The following TRPC1 variants were observed in gnomAD, a reference collection of about 807,000 sequenced individuals.
The protein encoded by TRPC1 is short transient receptor potential channel 1.
Under a neutral mutation model 88.2 loss-of-function variants are expected in TRPC1, and 42 were observed. The ratio of observed to expected loss-of-function variants is 0.48; its 90% confidence interval spans 0.37 to 0.62. The LOEUF (loss-of-function observed/expected upper bound fraction) is 0.62, where lower values mean the gene tolerates loss of function less well. Ranked by LOEUF, TRPC1 falls within the 20% of genes least tolerant of loss-of-function variation. The pLI, the probability that TRPC1 is intolerant of heterozygous loss-of-function variation, is 0.00. For synonymous variants in TRPC1, 288 were observed against 331.8 expected (o/e 0.87, Z 1.43); for missense variants, 699 against 957.3 (o/e 0.73, Z 3.56).
At chr3:142,796,973 T>C (rs1358203116) in intron 9 of TRPC1, among the ~76,000 whole-genome samples, 2 of 152,130 alleles carry the variant, frequency 1.3e-5, no homozygotes, top group African/African-American at 4.8e-5. Context: ...TCATATTTGA[T>C]AGGACCCAGA....
chr3:142,759,385 G>T (rs751628167), intron 4 of TRPC1, among the ~76,000 whole-genome samples: 27 of 152,264 alleles, frequency 1.8e-4, no homozygotes, highest in Non-Finnish European at 3.2e-4. Flanking sequence ...GTGTGAGATG[G>T]TATCTTACTG....
At position 142,771,419 on chromosome 3, in the gene TRPC1, C is replaced by G. The variant is rs561558755; in HGVS notation, c.633-6213C>G. ...TCGAACTCCTGGACTCAAGCAGTCC[C>G]CCCGCCAGCCTTCCAAAGTGCTAGG... On this transcript the variant is annotated intron_variant, in intron 4 of 12. Coordinates refer to ENST00000476941, the MANE Select transcript of TRPC1 (RefSeq NM_001251845.2). 3.9e-5 allele frequency among the ~76,000 whole-genome samples: 6 copies of G among 152,162 alleles called. No individual in the cohort carries two copies. In the East Asian group the frequency reaches 1.2e-3, roughly 29 times the overall value.
intron 7 of TRPC1, 150 bp downstream of exon 7, chr3:142,785,190 T>TAA: frequency 1.6e-6 from 1 of 606,268 alleles, no homozygotes. Context: ...ACTGAAGACT[T>TAA]AACTAACATG....
intron 4 of TRPC1, among the ~76,000 whole-genome samples, chr3:142,754,026 A>G (rs1934870791): frequency 6.7e-6 from 1 of 149,116 alleles, no homozygotes; most frequent in South Asian, 2.1e-4. Context: ...TTGAGGCTAC[A>G]GTAAGCTGTG....
At chr3:142,781,668 G>C (rs1935962093) in intron 6 of TRPC1, among the ~76,000 whole-genome samples, 1 of 152,138 alleles carries the variant, frequency 6.6e-6, no homozygotes, top group South Asian at 2.1e-4. Context: ...CCAGGAACTT[G>C]AATCAGGAAA....
chr3:142,803,971 T>C lies in TRPC1; in HGVS notation c.1758-6T>C. On this transcript the variant is annotated splice_region_variant and splice_polypyrimidine_tract_variant and intron_variant, in intron 10 of 12. Transcript: ENST00000476941. The stretch of plus-strand genomic sequence containing the variant: ...CTTTTAAACAGAAATGCAATTGTCT[T>C]TACAGGTTCATTGGCACCTGCTTTG... 6.8e-6 allele frequency: 11 copies of C among 1,613,046 alleles called. No homozygotes were observed. Among genetic ancestry groups the C allele is most frequent in the Non-Finnish European group, 9.3e-6 (11 of 1,179,320 alleles).
intron 7 of TRPC1, among the ~76,000 whole-genome samples, chr3:142,787,295 C>G (rs1205242205): frequency 6.6e-6 from 1 of 152,088 alleles, no homozygotes; most frequent in Non-Finnish European, 1.5e-5. Flanking sequence ...TATATAGATC[C>G]AAACCGGCTC....
intron 8 of TRPC1, among the ~76,000 whole-genome samples, chr3:142,791,539 A>G (rs1360314655): frequency 1.3e-5 from 2 of 152,124 alleles, no homozygotes; most frequent in African/African-American, 4.8e-5. Flanking sequence ...GACTGGATTT[A>G]AATCCTGCCC....
rs141835928 is a variant in TRPC1 at position 142,786,088 on chromosome 3, A to G, written c.1297+1048A>G. ...GGGTGCGTGTGGAGAGTTGAGGTAG[A>G]ATCACATTATCTGTTTATGGTATTT... On this transcript the variant is annotated intron_variant, in intron 7 of 12. Transcript: ENST00000476941. Among the ~76,000 whole-genome samples, 17 of 152,242 alleles carry G rather than the reference A, an allele frequency of 1.1e-4. No homozygotes were observed. In the East Asian group the frequency reaches 2.3e-3, roughly 21 times the overall value.
intron 4 of TRPC1, among the ~76,000 whole-genome samples, chr3:142,760,042 G>A (rs1560103240): frequency 6.6e-6 from 1 of 151,942 alleles, no homozygotes; most frequent in Non-Finnish European, 1.5e-5. Flanking sequence ...TAGCCAGGAT[G>A]GTCTCGATCT....
At chr3:142,802,394 T>TA in intron 10 of TRPC1, 50 bp downstream of exon 10, 1 of 1,180,404 alleles carries the variant, frequency 8.5e-7, no homozygotes, top group Non-Finnish European at 1.1e-6. Flanking sequence ...TTTTTTTTTT[T>TA]ACCATCTTCT....
rs947015854 is a variant in TRPC1, at chr3:142,764,512, A to C, written c.633-13120A>C. Among the ~76,000 whole-genome samples, 10 of 152,128 alleles carry C rather than the reference A, an allele frequency of 6.6e-5. No homozygotes were observed. In the South Asian group the frequency reaches 2.1e-3, roughly 31 times the overall value. On this transcript the variant is annotated intron_variant, in intron 4 of 12. Coordinates refer to ENST00000476941, the MANE Select transcript of TRPC1 (RefSeq NM_001251845.2). ...GACTTTATCTCTACTTCTTATTTAA[A>C]TAACAATTTTTTCTGGATACAAAAC...
intron 8 of TRPC1, 35 bp downstream of exon 8, chr3:142,791,193 T>C: frequency 6.4e-7 from 1 of 1,563,498 alleles, no homozygotes. Context: ...AGGCACAAAT[T>C]AAGTTTATTT....
intron 2 of TRPC1, among the ~76,000 whole-genome samples, chr3:142,741,557 C>A (rs1934350339): frequency 1.3e-5 from 2 of 152,194 alleles, no homozygotes; most frequent in Non-Finnish European, 2.9e-5. Context: ...GGTATTTAAT[C>A]TTTTCAGTAG....
At chr3:142,799,381 A>C (rs2108157719) in intron 9 of TRPC1, among the ~76,000 whole-genome samples, 1 of 152,314 alleles carries the variant, frequency 6.6e-6, no homozygotes, top group South Asian at 2.1e-4. Context: ...TCAGTCTAAA[A>C]TAAATTTACT....
chr3:142,735,434 G>A (rs1934092390), intron 1 of TRPC1, among the ~76,000 whole-genome samples: 1 of 152,058 alleles, frequency 6.6e-6, no homozygotes, highest in Admixed American at 6.5e-5. Context: ...CACGTAAAAT[G>A]ACTTATTTAT....
chr3:142,768,639 T>C (rs370350203), intron 4 of TRPC1, among the ~76,000 whole-genome samples: 3 of 152,252 alleles, frequency 2.0e-5, no homozygotes, highest in South Asian at 2.1e-4. Context: ...TTTCTGTATT[T>C]CTCATGTCTC....
chr3:142,763,981 T>TAC (rs1553803693), intron 4 of TRPC1, among the ~76,000 whole-genome samples: 4 of 62,670 alleles, frequency 6.4e-5, no homozygotes, highest in African/African-American at 3.2e-4. Context: ...TATATATATA[T>TAC]ATACACATAC....
chr3:142,780,803 G>A (rs539649576), intron 5 of TRPC1, 31 bp from the exon 6 acceptor site: 20 of 1,549,158 alleles, frequency 1.3e-5, no homozygotes, highest in African/African-American at 9.7e-5. Flanking sequence ...TGGAAACGAC[G>A]TTTCTGATAA....
Sources: gnomAD v4.1 joint callset for allele counts (sites outside exome capture counted in the v4.1 genomes callset) on GRCh38, gnomAD v4.1.1 for gene constraint, MANE v1.5 for transcripts, NCBI Gene and HGNC (gene_info 2026-07-23, HGNC 2026-07-21) for gene names.